The following XYLT1 variants were observed in gnomAD, a reference collection of about 807,000 sequenced individuals.
XYLT1 encodes the protein beta-D-xylosyltransferase 1.
Under a neutral mutation model 91.3 loss-of-function variants are expected in XYLT1, and 36 were observed. That is an observed-to-expected ratio of 0.39 (90% CI 0.30 to 0.52). The LOEUF is 0.52. Ranked by LOEUF, XYLT1 falls within the 20% of genes least tolerant of loss-of-function variation. The pLI is 0.68. For missense variants in XYLT1, 1,242 were observed against 1,284.5 expected, an observed-to-expected ratio of 0.97 and a Z score of 0.51; for synonymous variants, 588 against 532.0, an observed-to-expected ratio of 1.11 and a Z score of -1.45.
intron 2 of XYLT1, among the ~76,000 whole-genome samples, chr16:17,289,176 G>A (rs1255599257): frequency 6.6e-6 from 1 of 152,196 alleles, no homozygotes; most frequent in African/African-American, 2.4e-5. Context: ...CCATTGTAGA[G>A]TGAAACCAGT....
chr16:17,236,613 G>T (rs2033252622), intron 3 of XYLT1, among the ~76,000 whole-genome samples: 1 of 152,202 alleles, frequency 6.6e-6, no homozygotes, highest in South Asian at 2.1e-4. Flanking sequence ...AGTGCCGGAG[G>T]CTGGAGGTCC....
chr16:17,264,647 A>G (rs2141765034), intron 2 of XYLT1, among the ~76,000 whole-genome samples: 1 of 152,304 alleles, frequency 6.6e-6, no homozygotes, highest in Admixed American at 6.5e-5. Context: ...GCAGACCCAT[A>G]AAAAATAACC....
At chr16:17,222,960 G>A (rs746928868) in intron 3 of XYLT1, among the ~76,000 whole-genome samples, 6 of 151,624 alleles carry the variant, frequency 4.0e-5, no homozygotes, top group Non-Finnish European at 7.4e-5. Flanking sequence ...AGCGGGGGCT[G>A]GGACTAGGCG....
chr16:17,331,252 A>G (rs2034895389), intron 2 of XYLT1, among the ~76,000 whole-genome samples: 1 of 152,230 alleles, frequency 6.6e-6, no homozygotes, highest in Admixed American at 6.5e-5. Flanking sequence ...TGCCGGCCTC[A>G]ATCCCAGGCA....
At chr16:17,451,782 C>A (rs2141951143) in intron 1 of XYLT1, among the ~76,000 whole-genome samples, 1 of 152,258 alleles carries the variant, frequency 6.6e-6, no homozygotes, top group Middle Eastern at 3.4e-3. Flanking sequence ...CTCCCCAGAG[C>A]TCAAGGCACT....
At chr16:17,293,322 G>A (rs769120882) in intron 2 of XYLT1, among the ~76,000 whole-genome samples, 48 of 151,970 alleles carry the variant, frequency 3.2e-4, no homozygotes, top group Non-Finnish European at 1.0e-4. Context: ...TTTTCATTCC[G>A]CTGACCTGGG....
chr16:17,436,770 C>T lies in XYLT1; in HGVS notation c.363+33664G>A, dbSNP rs1276642116. Among the ~76,000 whole-genome samples, 6 of 152,346 alleles carry T rather than the reference C, an allele frequency of 3.9e-5. No homozygotes were observed. In the South Asian group the frequency reaches 1.0e-3, roughly 26 times the overall value. ...AACAGTTCAGAAACACAATTTACAT[C>T]TCCACTGGTGCTTTCCTTTTTATTA... is the stretch of plus-strand genomic sequence containing the variant. On this transcript the variant is annotated intron_variant, in intron 1 of 11. Transcript: ENST00000261381.
chr16:17,110,688 A>G (rs1006647422), intron 11 of XYLT1, among the ~76,000 whole-genome samples: 1 of 152,180 alleles, frequency 6.6e-6, no homozygotes, highest in African/African-American at 2.4e-5. Context: ...CTAAAAAACT[A>G]GGGGGCTGGT....
intron 3 of XYLT1, among the ~76,000 whole-genome samples, chr16:17,209,163 A>G (rs2032712971): frequency 6.6e-6 from 1 of 150,820 alleles, no homozygotes; most frequent in Non-Finnish European, 1.5e-5. Flanking sequence ...ATAACTTCCC[A>G]CTCTCCCCTC....
rs551801948 is a variant in XYLT1, at chr16:17,252,960, C to T, written c.913+6028G>A. On this transcript the variant is annotated intron_variant, in intron 3 of 11. Transcript: ENST00000261381. ...ATGCTTATATGTATATGAATATTTA[C>T]TCATATATTAAATTTCCCTCCACCC... 2.6e-5 allele frequency among the ~76,000 whole-genome samples: 4 copies of T among 152,242 alleles called. No homozygotes were observed. The South Asian group carries it at 8.3e-4, about 32-fold the overall frequency.
At chr16:17,390,933 G>A (rs1231700591) in intron 1 of XYLT1, among the ~76,000 whole-genome samples, 1 of 152,170 alleles carries the variant, frequency 6.6e-6, no homozygotes, top group Non-Finnish European at 1.5e-5. Context: ...AGCTACTCCA[G>A]AGGCTGAGGC....
At chr16:17,332,567 T>TACACACACAC (rs60919228) in intron 2 of XYLT1, among the ~76,000 whole-genome samples, 145 of 137,994 alleles carry the variant, frequency 1.1e-3, no homozygotes, top group African/African-American at 3.7e-3. Context: ...ATCACACACA[T>TACACACACAC]ACACACACAC....
intron 2 of XYLT1, among the ~76,000 whole-genome samples, chr16:17,306,689 T>C (rs1389582265): frequency 6.6e-6 from 1 of 152,160 alleles, no homozygotes; most frequent in African/African-American, 2.4e-5. Context: ...AATCTTTTTA[T>C]ATACATGAAA....
At chr16:17,415,361 G>A (rs1325670599) in intron 1 of XYLT1, among the ~76,000 whole-genome samples, 1 of 152,170 alleles carries the variant, frequency 6.6e-6, no homozygotes, top group East Asian at 1.9e-4. Flanking sequence ...GAATCCTACA[G>A]GCAGCAGGAA....
chr16:17,465,864 T>G (rs544505642), intron 1 of XYLT1, among the ~76,000 whole-genome samples: 1 of 152,236 alleles, frequency 6.6e-6, no homozygotes, highest in African/African-American at 2.4e-5. Flanking sequence ...ATTGCTACAT[T>G]TCATCCTCAT....
intron 2 of XYLT1, among the ~76,000 whole-genome samples, chr16:17,346,182 A>G (rs8061042): frequency 0.7 from 106,438 of 152,048 alleles, 39,273 homozygotes; most frequent in African/African-American, 0.93. Context: ...CACAGCAGCT[A>G]AGTGGTGAGC....
At chr16:17,116,675 C>T (rs1478139005) in intron 11 of XYLT1, among the ~76,000 whole-genome samples, 4 of 152,176 alleles carry the variant, frequency 2.6e-5, no homozygotes, top group African/African-American at 4.8e-5. Context: ...TGGGGTCAGA[C>T]GTCTGTGGTA....
intron 1 of XYLT1, among the ~76,000 whole-genome samples, chr16:17,453,394 G>C (rs2036693441): frequency 6.6e-6 from 1 of 152,110 alleles, no homozygotes; most frequent in Non-Finnish European, 1.5e-5. Flanking sequence ...TCATTTTTCA[G>C]CCAGCACCAA....
intron 1 of XYLT1, among the ~76,000 whole-genome samples, chr16:17,412,719 G>C (rs2036128098): frequency 6.6e-6 from 1 of 152,148 alleles, no homozygotes; most frequent in African/African-American, 2.4e-5. Flanking sequence ...CCACCATCTT[G>C]GAAGGCAGCC....
Sources: allele counts gnomAD v4.1 joint callset (sites outside exome capture counted in the v4.1 genomes callset), GRCh38; gene constraint gnomAD v4.1.1; transcripts MANE v1.5; gene names NCBI Gene and HGNC (gene_info 2026-07-23, HGNC 2026-07-21).